Variants in NAP1L1 observed in about 807,000 individuals in gnomAD.
NAP1L1 encodes the protein nucleosome assembly protein 1 like 1.
Under a neutral mutation model 58.9 loss-of-function variants are expected in NAP1L1, and 9 were observed. The observed-to-expected ratio is 0.15, with a 90% CI of 0.09 to 0.27. The LOEUF (loss-of-function observed/expected upper bound fraction) is 0.27. Ranked by LOEUF, NAP1L1 falls within the 10% of genes least tolerant of loss-of-function variation. NAP1L1 has a pLI of 1.00. For synonymous variants in NAP1L1, 130 were observed against 138.3 expected (o/e 0.94, Z 0.42); for missense variants, 302 against 458.8 (o/e 0.66, Z 3.12).
intron 1 of NAP1L1, among the ~76,000 whole-genome samples, chr12:76,082,379 T>TA: frequency 6.6e-6 from 1 of 152,198 alleles, no homozygotes; most frequent in Non-Finnish European, 1.5e-5. Context: ...AAAATCTCAT[T>TA]AAAGGCCAAG....
rs1948569235 is a variant in NAP1L1 at position 76,043,390 on chromosome 12, T to C, written c.*5039A>G. ...AAATGTAAAAATTAGCTGGGCGTGG[T>C]GGCACGTGCCTGTGATACCAGCTAC... On this transcript the variant is annotated 3_prime_UTR_variant, in exon 15 of 15. Coordinates refer to ENST00000618691, the MANE Select transcript of NAP1L1 (RefSeq NM_004537.7). 6.8e-6 allele frequency: 1 copy of C among 147,540 alleles called. No homozygotes were observed. The highest frequency in any genetic ancestry group is 2.2e-4 in the South Asian group (1 of 4,630). The allele number at this position is 147,540 out of a possible 1,614,324, so 9.1% of individuals were successfully genotyped here.
chr12:76,045,291 G>A lies in NAP1L1; in HGVS notation c.*3138C>T, dbSNP rs750964522. The A allele has an allele frequency of 1.8e-4, 27 of 152,024 alleles. No homozygotes were observed. Among genetic ancestry groups the A allele is most frequent in the Non-Finnish European group, 3.1e-4 (21 of 67,896 alleles). 9.4% of individuals were successfully genotyped at this position (152,024 alleles called of 1,614,324 possible). A position where few individuals can be genotyped will look rare whatever the true frequency, so the allele number is the denominator to read the frequency against. On this transcript the variant is annotated 3_prime_UTR_variant, in exon 15 of 15. Coordinates refer to ENST00000618691, the MANE Select transcript of NAP1L1 (RefSeq NM_004537.7). The stretch of plus-strand genomic sequence containing the variant: ...TTTTGTAAGACTAACCCATAAAAAA[G>A]GACTCCAATTTTAAACCAATCCCTG...
intron 2 of NAP1L1, among the ~76,000 whole-genome samples, chr12:76,070,585 AT>A: frequency 6.6e-6 from 1 of 152,308 alleles, no homozygotes; most frequent in South Asian, 2.1e-4. Context: ...ATGTGGCCAA[AT>A]CCAGCCCACC....
At chr12:76,076,595 T>C (rs915361100) in intron 1 of NAP1L1, among the ~76,000 whole-genome samples, 1 of 136,736 alleles carries the variant, frequency 7.3e-6, no homozygotes, top group African/African-American at 2.7e-5. Context: ...TATATATATC[T>C]CCACTCATAT....
rs756057648 is a variant in NAP1L1 at position 76,078,994 on chromosome 12, TAC to T, written c.-20-4757_-20-4756del. ...AAAATAAAGAATCCATATATATATA[TAC>T]ACACACACACACACACATATATTTA... On this transcript the variant is annotated intron_variant, in intron 1 of 14. Transcript: ENST00000618691. Among the ~76,000 whole-genome samples, 801 of 151,178 alleles carry T rather than the reference TAC, an allele frequency of 5.3e-3. 6 individuals carry two copies. Among genetic ancestry groups the T allele is most frequent in the African/African-American group, 0.018 (750 of 41,182 alleles).
At chr12:76,063,561 G>A (rs1257661299) in intron 4 of NAP1L1, among the ~76,000 whole-genome samples, 1 of 152,216 alleles carries the variant, frequency 6.6e-6, no homozygotes, top group Non-Finnish European at 1.5e-5. Context: ...ACTCTGGGGA[G>A]CCCAGGCAGG....
At chr12:76,054,402 AAAT>A (rs1370876291) in intron 8 of NAP1L1, among the ~76,000 whole-genome samples, 3 of 152,214 alleles carry the variant, frequency 2.0e-5, no homozygotes, top group Non-Finnish European at 4.4e-5. Flanking sequence ...AATTACGTTA[AAAT>A]AATAATGAGG....
chr12:76,068,775 C>CACACA (rs1404247376), intron 3 of NAP1L1, 134 bp downstream of exon 3: 2 of 637,652 alleles, frequency 3.1e-6, no homozygotes, highest in East Asian at 5.4e-5. Flanking sequence ...CACACACACA[C>CACACA]ACACTAGAAG....
chr12:76,074,465 G>A (rs1462254846), intron 1 of NAP1L1: 1 of 544,926 alleles, frequency 1.8e-6, no homozygotes, highest in African/African-American at 2.1e-5. Context: ...AAACAAAAAA[G>A]TTACCACTAA....
At chr12:76,060,046 A>G in intron 5 of NAP1L1, 92 bp downstream of exon 5, 2 of 1,362,876 alleles carry the variant, frequency 1.5e-6, no homozygotes, top group Admixed American at 2.2e-5. Context: ...TTTCAATGAG[A>G]GTTCTAAAGA....
Position 76,039,015 on chromosome 12 carries a change from T to G in NAP1L1, c.*9414A>C, listed in dbSNP as rs796150387. On this transcript the variant is annotated 3_prime_UTR_variant, in exon 15 of 15. Coordinates refer to ENST00000618691, the MANE Select transcript of NAP1L1 (RefSeq NM_004537.7). ...GGACTCCAATCATAATTAATCCTTTTGGGCCGTATTTAAAGAAAATTACTT... is the reference window on the plus strand; with the variant it reads ...GGACTCCAATCATAATTAATCCTTTGGGGCCGTATTTAAAGAAAATTACTT... The G allele has an allele frequency of 1.1e-4, 16 of 152,320 alleles. No individual in the cohort carries two copies. Among genetic ancestry groups the G allele is most frequent in the African/African-American group, 3.8e-4 (16 of 41,562 alleles). The allele number at this position is 152,320 out of a possible 1,614,324, so 9.4% of individuals were successfully genotyped here.
intron 13 of NAP1L1, 134 bp from the exon 14 acceptor site, chr12:76,049,384 C>G: frequency 2.6e-6 from 4 of 1,549,136 alleles, no homozygotes; most frequent in Admixed American, 3.8e-5. Context: ...GATGATAATA[C>G]AATTTAATTT....
At chr12:76,048,720 A>C (rs963535015) in intron 14 of NAP1L1, among the ~76,000 whole-genome samples, 1 of 152,118 alleles carries the variant, frequency 6.6e-6, no homozygotes, top group Non-Finnish European at 1.5e-5. Context: ...AAAGTTACCA[A>C]GCAATTTATG....
intron 7 of NAP1L1, among the ~76,000 whole-genome samples, chr12:76,055,485 A>G (rs1041599139): frequency 1.3e-5 from 2 of 152,212 alleles, no homozygotes; most frequent in African/African-American, 4.8e-5. Context: ...AATTGTGTGA[A>G]GATCATTTCT....
rs1221925298 is a variant in NAP1L1, at chr12:76,052,998, T to TA, written c.936+92_936+93insT. The TA allele has an allele frequency of 1.1e-5, 14 of 1,244,444 alleles. No individual in the cohort carries two copies. In the Admixed American group the frequency reaches 3.0e-4, roughly 26 times the overall value. The allele number at this position is 1,244,444 out of a possible 1,614,324, so 77.1% of individuals were successfully genotyped here. ...ATGCATTGTAGGCCTCAGAACTCAA[T>TA]GTAACAACCATCCCACTCTCCATTT... On this transcript the variant is annotated intron_variant, in intron 11 of 14. Coordinates refer to ENST00000618691, the MANE Select transcript of NAP1L1 (RefSeq NM_004537.7).
intron 4 of NAP1L1, among the ~76,000 whole-genome samples, chr12:76,063,573 G>C (rs765725041): frequency 2.6e-5 from 4 of 152,208 alleles, no homozygotes; most frequent in East Asian, 1.9e-4. Context: ...CCAGGCAGGT[G>C]AATCACTTTA....
rs1227725882 is a variant in NAP1L1, at chr12:76,039,537, GAA to G, written c.*8890_*8891del. 6.6e-6 allele frequency: 1 copy of G among 152,184 alleles called. No individual in the cohort carries two copies. The allele number at this position is 152,184 out of a possible 1,614,324, so 9.4% of individuals were successfully genotyped here. A position where few individuals can be genotyped will look rare whatever the true frequency, so the allele number is the denominator to read the frequency against. ...TCTTCAGGGCAGGGGAGAGAAAAAG[GAA>G]AGATTATCTGAATATTGTTTAAAAT... On this transcript the variant is annotated 3_prime_UTR_variant, in exon 15 of 15. Coordinates refer to ENST00000618691, the MANE Select transcript of NAP1L1 (RefSeq NM_004537.7).
intron 6 of NAP1L1, chr12:76,057,925 G>GCCACAACCCTTGTCAC: frequency 8.7e-7 from 1 of 1,146,918 alleles, no homozygotes; most frequent in Non-Finnish European, 1.3e-6. Context: ...ATGTGACAAG[G>GCCACAACCCTTGTCAC]GTTGTGGCCT....
chr12:76,045,338 T>C lies in NAP1L1; in HGVS notation c.*3091A>G, dbSNP rs1279254819. On this transcript the variant is annotated 3_prime_UTR_variant, in exon 15 of 15. Transcript: ENST00000618691. ...CCTGAAACCAAAGCATTCAAATATTTGAATATTAGTTCAATATTTCTACAT... is the reference window on the plus strand; with the variant it reads ...CCTGAAACCAAAGCATTCAAATATTCGAATATTAGTTCAATATTTCTACAT... The C allele has an allele frequency of 6.6e-6, 1 of 152,118 alleles. No homozygotes were observed. The highest frequency in any genetic ancestry group is 1.5e-5 in the Non-Finnish European group (1 of 67,958). 9.4% of individuals were successfully genotyped at this position (152,118 alleles called of 1,614,324 possible).
Sources: gnomAD v4.1 joint callset for allele counts (sites outside exome capture counted in the v4.1 genomes callset) on GRCh38, gnomAD v4.1.1 for gene constraint, MANE v1.5 for transcripts, NCBI Gene and HGNC (gene_info 2026-07-23, HGNC 2026-07-21) for gene names.